ARAP2: variants seen among roughly 807,000 people sequenced by gnomAD.
ARAP2 encodes arf-GAP with Rho-GAP domain, ANK repeat and PH domain-containing protein 2.
A neutral mutation model predicts 194.5 loss-of-function variants in ARAP2; 148 were observed. The ratio of observed to expected loss-of-function variants is 0.76; its 90% CI spans 0.67 to 0.87. The LOEUF is 0.87. Among genes scored for constraint, ARAP2 ranks in the 40% least tolerant of loss-of-function variants. ARAP2 has a pLI of 0.00. For synonymous variants in ARAP2, 695 were observed against 683.5 expected, an observed-to-expected ratio of 1.02 and a Z score of -0.26; for missense variants, 2,128 against 1,989.7, an observed-to-expected ratio of 1.07 and a Z score of -1.32.
chr4:36,139,183 T>C (rs1727607454), intron 19 of ARAP2, among the ~76,000 whole-genome samples: 1 of 151,734 alleles, frequency 6.6e-6, no homozygotes, highest in Non-Finnish European at 1.5e-5. Flanking sequence ...TGATTTTTTC[T>C]AATTTCCTTG....
At chr4:36,072,849 G>T (rs918054971) in intron 32 of ARAP2, among the ~76,000 whole-genome samples, 10 of 152,070 alleles carry the variant, frequency 6.6e-5, no homozygotes, top group Non-Finnish European at 1.2e-4. Context: ...ATATTACAGT[G>T]GGATAAATGT....
In ARAP2 at chr4:36,189,949, T is replaced by C. The variant is rs73127470; in HGVS notation, c.1558-2378A>G. Among the ~76,000 whole-genome samples, 503 of 152,346 alleles carry C rather than the reference T, an allele frequency of 3.3e-3. 7 individuals carry two copies. The highest frequency in any genetic ancestry group is 0.011 in the African/African-American group (457 of 41,588). On this transcript the variant is annotated intron_variant, in intron 7 of 32. Transcript: ENST00000303965. ...AATAGAATGAAGTCATCTTTGACCT[T>C]TGCTGGTTCCTTTGCACCCACATAG...
intron 6 of ARAP2, among the ~76,000 whole-genome samples, chr4:36,208,587 C>A (rs905345020): frequency 6.6e-6 from 1 of 152,168 alleles, no homozygotes; most frequent in Non-Finnish European, 1.5e-5. Context: ...AAGGGGTAGG[C>A]ATCACTTTGT....
chr4:36,235,161 C>A (rs961049777), intron 1 of ARAP2, among the ~76,000 whole-genome samples: 3 of 152,216 alleles, frequency 2.0e-5, no homozygotes, highest in African/African-American at 7.2e-5. Flanking sequence ...TCTTAGACCA[C>A]TGCAATAGCC....
chr4:36,122,045 T>G (rs1453139492), intron 22 of ARAP2, among the ~76,000 whole-genome samples: 1 of 151,300 alleles, frequency 6.6e-6, no homozygotes, highest in African/African-American at 2.4e-5. Flanking sequence ...TTAAAAAAAA[T>G]AAACCCACAA....
In ARAP2 at chr4:36,055,979, G is replaced by C. The variant is rs377547170; in HGVS notation, n.321+1991C>G. On this transcript the variant is annotated intron_variant and non_coding_transcript_variant, in intron 2 of 12. Transcript: ENST00000503225. ...CACAAACCAGATAAATTCCTTGGGA[G>C]CAAAAGCTAAGTTCATCTAACAAAG... is the stretch of plus-strand genomic sequence containing the variant. Among the ~76,000 whole-genome samples, 39 of 152,250 alleles carry C rather than the reference G, an allele frequency of 2.6e-4. 2 individuals are homozygous for C. Among genetic ancestry groups the C allele is most frequent in the Non-Finnish European group, 4.7e-4 (32 of 68,020 alleles).
At chr4:36,047,878 C>T (rs1722079311) in intron 3 of ARAP2, among the ~76,000 whole-genome samples, 1 of 152,168 alleles carries the variant, frequency 6.6e-6, no homozygotes, top group African/African-American at 2.4e-5. Context: ...TTGAAAGATA[C>T]AGAAACAAAA....
intron 12 of ARAP2, 95 bp from the exon 13 acceptor site, chr4:36,160,736 CT>C: frequency 9.3e-7 from 1 of 1,078,034 alleles, no homozygotes; most frequent in Non-Finnish European, 1.2e-6. Flanking sequence ...TAAAGCATAA[CT>C]TAGTATAAAA....
chr4:36,067,991 T>G lies in ARAP2; in HGVS notation c.5031A>C (p.Ser1677=), dbSNP rs34878999. 6.2e-7 allele frequency: 1 copy of G among 1,614,166 alleles called. No homozygotes were observed. Among genetic ancestry groups the G allele is most frequent in the Admixed American group, 1.7e-5 (1 of 60,030 alleles). ...ATLDSDHKLP[S]RVIEELNVVL... ...CCACATTAAGTTCTTCAATTACCCT[T>G]GATGGTAACTTATGATCAGAGTCCA... The change falls in exon 33 of 33, where the codon TCA becomes TCC. Residue 1677 remains serine (S), a synonymous_variant. Transcript: ENST00000303965.
chr4:36,206,979 T>A (rs1745668139), intron 6 of ARAP2, among the ~76,000 whole-genome samples: 1 of 152,280 alleles, frequency 6.6e-6, no homozygotes, highest in Non-Finnish European at 1.5e-5. Context: ...TGTGTTATGC[T>A]GAACGCACAA....
chr4:36,197,176 G>C (rs1373252117), intron 6 of ARAP2, among the ~76,000 whole-genome samples: 1 of 151,778 alleles, frequency 6.6e-6, no homozygotes, highest in Non-Finnish European at 1.5e-5. Flanking sequence ...GTGATATTTT[G>C]ATATACGCAT....
chr4:36,051,721 TTTAACTTAG>T (rs1722701281), intron 3 of ARAP2, among the ~76,000 whole-genome samples: 1 of 152,204 alleles, frequency 6.6e-6, no homozygotes, highest in Non-Finnish European at 1.5e-5. Flanking sequence ...TCCTTCTTGC[TTTAACTTAG>T]TTAAAATTAG....
intron 13 of ARAP2, chr4:36,160,135 T>C (rs1017392529): frequency 9.9e-7 from 1 of 1,005,738 alleles, no homozygotes; most frequent in Non-Finnish European, 1.2e-6. Flanking sequence ...AAGCTGCCTC[T>C]ACATCTCTTC....
chr4:36,081,730 G>A (rs1729601619), intron 30 of ARAP2, among the ~76,000 whole-genome samples: 1 of 151,840 alleles, frequency 6.6e-6, no homozygotes, highest in Admixed American at 6.6e-5. Context: ...GGCCCTCAGG[G>A]TAGAGAGGTG....
intron 5 of ARAP2, among the ~76,000 whole-genome samples, chr4:36,032,299 G>T (rs1719117611): frequency 6.6e-6 from 1 of 152,176 alleles, no homozygotes; most frequent in Non-Finnish European, 1.5e-5. Context: ...CTAAAGACAG[G>T]CCAAGGTCAA....
intron 6 of ARAP2, among the ~76,000 whole-genome samples, chr4:36,202,277 TAGAG>T (rs1343000945): frequency 6.6e-6 from 1 of 152,158 alleles, no homozygotes; most frequent in Non-Finnish European, 1.5e-5. Context: ...CAAAATATTT[TAGAG>T]AGAGAAAGAT....
At chr4:36,207,625 G>C (rs1433606742) in intron 6 of ARAP2, among the ~76,000 whole-genome samples, 2 of 152,132 alleles carry the variant, frequency 1.3e-5, no homozygotes, top group Non-Finnish European at 2.9e-5. Context: ...TTGTGAATGT[G>C]ATTATTTTGC....
chr4:36,152,995 AC>A (rs1731372512), intron 15 of ARAP2, among the ~76,000 whole-genome samples: 1 of 152,206 alleles, frequency 6.6e-6, no homozygotes, highest in African/African-American at 2.4e-5. Context: ...AAGGTCTTAA[AC>A]AAACAGTGCC....
intron 2 of ARAP2, 99 bp downstream of exon 2, chr4:36,228,483 C>A: frequency 7.9e-7 from 1 of 1,266,720 alleles, no homozygotes; most frequent in East Asian, 2.4e-5. Context: ...TAAATGAATA[C>A]AGTCAAATTT....
Sources: gnomAD v4.1 joint callset for allele counts (sites outside exome capture counted in the v4.1 genomes callset) on GRCh38, gnomAD v4.1.1 for gene constraint, MANE v1.5 for transcripts, NCBI Gene and HGNC (gene_info 2026-07-23, HGNC 2026-07-21) for gene names.